Variants in FAM135A observed in about 807,000 individuals in gnomAD.
FAM135A encodes protein FAM135A.
FAM135A carries 79 observed loss-of-function variants against 146.8 expected under a neutral mutation model. The observed-to-expected ratio is 0.54, with a 90% CI of 0.45 to 0.65. FAM135A has a LOEUF of 0.65. Among genes scored for constraint, FAM135A ranks in the 30% least tolerant of loss-of-function variants. The probability of loss-of-function intolerance (pLI) is 0.00; values close to 1 mark genes in which losing one functional copy is unlikely to be tolerated. For missense variants in FAM135A, 1,623 were observed against 1,758.2 expected (o/e 0.92, Z 1.38); for synonymous variants, 562 against 603.6 (o/e 0.93, Z 1.01).
intron 20 of FAM135A, among the ~76,000 whole-genome samples, chr6:70,553,011 T>C (rs1025026227): frequency 6.6e-5 from 10 of 152,224 alleles, no homozygotes; most frequent in African/African-American, 2.4e-4. Context: ...ACATCTTTTT[T>C]TCAATATAGA....
chr6:70,443,799 T>G (rs1400956487), intron 4 of FAM135A, among the ~76,000 whole-genome samples: 2 of 152,222 alleles, frequency 1.3e-5, no homozygotes, highest in African/African-American at 4.8e-5. Flanking sequence ...TCAATTTTCT[T>G]CTTAATTAAG....
intron 19 of FAM135A, among the ~76,000 whole-genome samples, chr6:70,536,691 A>G (rs971417123): frequency 6.6e-6 from 1 of 151,902 alleles, no homozygotes; most frequent in Non-Finnish European, 1.5e-5. Flanking sequence ...GTAAAGTTTT[A>G]TCTTATAAAC....
At chr6:70,474,311 T>G (rs1013613373) in intron 5 of FAM135A, among the ~76,000 whole-genome samples, 1 of 152,290 alleles carries the variant, frequency 6.6e-6, no homozygotes, top group Non-Finnish European at 1.5e-5. Flanking sequence ...TTGTTATTTC[T>G]GGAGCACAGG....
chr6:70,541,402 A>G (rs1797894186), intron 20 of FAM135A, among the ~76,000 whole-genome samples: 1 of 152,146 alleles, frequency 6.6e-6, no homozygotes, highest in African/African-American at 2.4e-5. Context: ...TTTTATTTGA[A>G]TATTAAGACA....
chr6:70,533,729 T>G (rs1796265903), intron 17 of FAM135A, 28 bp from the exon 18 acceptor site: 1 of 1,316,866 alleles, frequency 7.6e-7, no homozygotes, highest in Non-Finnish European at 1.1e-6. Flanking sequence ...TTCCCAAATA[T>G]AATGTATGTG....
At chr6:70,495,355 A>G (rs577202738) in intron 11 of FAM135A, among the ~76,000 whole-genome samples, 98 of 152,314 alleles carry the variant, frequency 6.4e-4, no homozygotes, top group African/African-American at 2.3e-3. Context: ...TCACTTAGTA[A>G]CTATTTATTG....
At chr6:70,506,943 A>T (rs955024768) in intron 12 of FAM135A, among the ~76,000 whole-genome samples, 2 of 152,000 alleles carry the variant, frequency 1.3e-5, no homozygotes, top group East Asian at 1.9e-4. Context: ...GAAGGAAGCT[A>T]TTCTGGGTGG....
intron 20 of FAM135A, 145 bp downstream of exon 20, chr6:70,538,546 A>C: frequency 2.3e-6 from 1 of 429,002 alleles, no homozygotes; most frequent in East Asian, 3.6e-5. Context: ...GAAACAGCAA[A>C]CTCAGAACTG....
chr6:70,543,538 G>A (rs1401273227), intron 20 of FAM135A, among the ~76,000 whole-genome samples: 2 of 152,164 alleles, frequency 1.3e-5, no homozygotes, highest in African/African-American at 4.8e-5. Context: ...TCAATGGTAA[G>A]TTTCTTACAG....
rs539632148 is a variant in FAM135A at position 70,520,724 on chromosome 6, T to G, written c.1030-1789T>G. Among the ~76,000 whole-genome samples the G allele has an allele frequency of 2.6e-5, 4 of 152,288 alleles. No individual in the cohort carries two copies. The East Asian group carries it at 7.7e-4, about 29-fold the overall frequency. On this transcript the variant is annotated intron_variant, in intron 12 of 21. Transcript: ENST00000418814. Reference sequence around the variant, plus strand: ...GAAATTTAAATTTGTAAATTAAAAATTTTTTTCTGTCAAACTTTTGCCTGA... The same window carrying G: ...GAAATTTAAATTTGTAAATTAAAAAGTTTTTTCTGTCAAACTTTTGCCTGA...
chr6:70,526,696 A>G lies in FAM135A; in HGVS notation c.3612A>G (p.Gln1204=). ...WYESSPKPQI[Q]AFLQAKEELK... is the part of the protein sequence containing the mutation. ...AAAGTTCACCAAAACCTCAAATACAAGCGTAAGTAATGGAACGTAATAGTA... is the reference window on the plus strand; with the variant it reads ...AAAGTTCACCAAAACCTCAAATACAGGCGTAAGTAATGGAACGTAATAGTA... Residue 1204 remains glutamine (Q), a splice_region_variant and synonymous_variant, in exon 15 of 22, where the codon CAA becomes CAG. Transcript: ENST00000418814. 1 of 1,592,308 alleles carries G rather than the reference A, an allele frequency of 6.3e-7. No homozygotes were observed. Among genetic ancestry groups the G allele is most frequent in the Non-Finnish European group, 8.5e-7 (1 of 1,171,044 alleles).
intron 20 of FAM135A, among the ~76,000 whole-genome samples, chr6:70,556,293 T>G (rs1582939118): frequency 6.6e-6 from 1 of 152,220 alleles, no homozygotes; most frequent in East Asian, 1.9e-4. Flanking sequence ...ATAAATCATA[T>G]TAAGCAAGTG....
At chr6:70,559,333 C>T (rs1801514092) in intron 21 of FAM135A, among the ~76,000 whole-genome samples, 1 of 151,694 alleles carries the variant, frequency 6.6e-6, no homozygotes, top group South Asian at 2.1e-4. Flanking sequence ...CCCAGCTACT[C>T]AGGAGGCGGA....
At chr6:70,516,361 T>C (rs115789748) in intron 12 of FAM135A, among the ~76,000 whole-genome samples, 2 of 152,066 alleles carry the variant, frequency 1.3e-5, no homozygotes, top group African/African-American at 2.4e-5. Context: ...TGCATCTGCC[T>C]GTAGAAGGAG....
intron 12 of FAM135A, chr6:70,504,986 G>A (rs913236897): frequency 3.3e-5 from 5 of 151,356 alleles, no homozygotes; most frequent in African/African-American, 1.2e-4. Context: ...GTAGTGCAGA[G>A]TACTTCTATA....
intron 20 of FAM135A, among the ~76,000 whole-genome samples, chr6:70,551,214 A>G (rs1379518196): frequency 6.6e-6 from 1 of 152,158 alleles, no homozygotes; most frequent in Non-Finnish European, 1.5e-5. Flanking sequence ...TTGCATTCAC[A>G]TCTTGACTAA....
chr6:70,485,691 A>G lies in FAM135A; in HGVS notation c.823+3537A>G, dbSNP rs1784488303. ...TTCTAAAATATGTTCCCTCTTTTAA[A>G]ATAACGCCTTGAGTTCCTTTCGGCT... On this transcript the variant is annotated intron_variant, in intron 10 of 21. Coordinates refer to ENST00000418814, the MANE Select transcript of FAM135A (RefSeq NM_001162529.3). Among the ~76,000 whole-genome samples, 4 of 152,228 alleles carry G rather than the reference A, an allele frequency of 2.6e-5. No individual in the cohort carries two copies. In the South Asian group the frequency reaches 8.3e-4, roughly 32 times the overall value.
chr6:70,557,274 C>A, intron 21 of FAM135A: 1 of 249,504 alleles, frequency 4.0e-6, no homozygotes, highest in Non-Finnish European at 7.6e-6. Flanking sequence ...TTGTGAATAA[C>A]AAAATAAATT....
At chr6:70,488,544 C>T (rs559720946) in intron 10 of FAM135A, among the ~76,000 whole-genome samples, 2 of 150,502 alleles carry the variant, frequency 1.3e-5, no homozygotes, top group African/African-American at 4.9e-5. Flanking sequence ...TACAGTATAC[C>T]CTTGAATAAC....
Sources: allele counts gnomAD v4.1 joint callset (sites outside exome capture counted in the v4.1 genomes callset), GRCh38; gene constraint gnomAD v4.1.1; transcripts MANE v1.5; gene names NCBI Gene and HGNC (gene_info 2026-07-23, HGNC 2026-07-21).